The following GDI2 variants were observed in gnomAD, a reference collection of about 807,000 sequenced individuals.
GDI2 encodes the protein GDP dissociation inhibitor 2.
GDI2 carries 22 observed loss-of-function variants against 54.2 expected under a neutral mutation model. The observed-to-expected ratio is 0.41, with a 90% CI of 0.29 to 0.58. The LOEUF (loss-of-function observed/expected upper bound fraction) is 0.58, where lower values mean the gene tolerates loss of function less well. Ranked by LOEUF, GDI2 falls within the 20% of genes least tolerant of loss-of-function variation. GDI2 has a pLI of 0.35. For missense variants in GDI2, 422 were observed against 546.0 expected (o/e 0.77, Z 2.26); for synonymous variants, 177 against 182.1 (o/e 0.97, Z 0.23).
intron 2 of GDI2, among the ~76,000 whole-genome samples, chr10:5,798,734 T>G (rs1031897934): frequency 2.0e-4 from 31 of 151,998 alleles, no homozygotes; most frequent in Admixed American, 2.0e-4. Context: ...CCGCAGCACT[T>G]TGGAAGGCCA....
rs1429145172 is a variant in GDI2 at position 5,766,029 on chromosome 10, T to G, written c.1315A>C (p.Asn439His). 6.3e-7 allele frequency: 1 copy of G among 1,585,888 alleles called. No homozygotes were observed. The highest frequency in any genetic ancestry group is 1.4e-5 in the African/African-American group (1 of 72,846). ...FDFEEMKRKK[N>H]DIYGED ...TGTTAGTCTTCCCCATAGATGTCATTCTTCTTGCGCTTCATTTCCTCAAAG... is the reference window on the plus strand; with the variant it reads ...TGTTAGTCTTCCCCATAGATGTCATGCTTCTTGCGCTTCATTTCCTCAAAG... The change falls in exon 11 of 11, where the codon AAT (asparagine) becomes CAT (histidine). Residue 439 changes from asparagine to histidine, a missense_variant. Physicochemically the swap from Asn to His is moderately conservative, Grantham distance 68. Transcript: ENST00000380191. The surrounding 1 kb of genome is among the most constrained non-coding windows in gnomAD (Gnocchi z 5.8).
In GDI2 at chr10:5,768,683, C is replaced by T. The variant is rs185359853; in HGVS notation, c.820-299G>A. ...AGCCAGAAATAAACCCTCGCATCCA[C>T]AGTACAGTGATTTTTGACAAAGTTG... On this transcript the variant is annotated intron_variant, in intron 7 of 10. Transcript: ENST00000380191. The surrounding 1 kb of genome is among the most constrained non-coding windows in gnomAD (Gnocchi z 4.4). 3.9e-5 allele frequency: 10 copies of T among 257,144 alleles called. No individual in the cohort carries two copies. Among genetic ancestry groups the T allele is most frequent in the African/African-American group, 1.8e-4 (8 of 45,072 alleles). The allele number at this position is 257,144 out of a possible 1,614,324, so 15.9% of individuals were successfully genotyped here.
At chr10:5,801,413 C>T (rs1441256131) in intron 1 of GDI2, among the ~76,000 whole-genome samples, 2 of 152,100 alleles carry the variant, frequency 1.3e-5, no homozygotes, top group South Asian at 2.1e-4. Flanking sequence ...CAGTGGCTCA[C>T]GCCTGTAATC....
chr10:5,770,963 CAAAA>C (rs59686031), intron 7 of GDI2, among the ~76,000 whole-genome samples: 2 of 46,366 alleles, frequency 4.3e-5, no homozygotes, highest in East Asian at 1.7e-3. Context: ...GAGACTGTCT[CAAAA>C]AAAAAAAAAA....
intron 4 of GDI2, among the ~76,000 whole-genome samples, chr10:5,793,908 A>C (rs1374269145): frequency 6.6e-6 from 1 of 151,976 alleles, no homozygotes; most frequent in African/African-American, 2.4e-5. Flanking sequence ...TCATGCCTGT[A>C]ATCTCAGCAC....
chr10:5,813,428 A>T lies in GDI2; in HGVS notation c.-170T>A. 1 of 492,258 alleles carries T rather than the reference A, an allele frequency of 2.0e-6. No individual in the cohort carries two copies. Among genetic ancestry groups the T allele is most frequent in the Non-Finnish European group, 3.7e-6 (1 of 272,832 alleles). 30.5% of individuals were successfully genotyped at this position (492,258 alleles called of 1,614,324 possible). A position where few individuals can be genotyped will look rare whatever the true frequency, so the allele number is the denominator to read the frequency against. On this transcript the variant is annotated 5_prime_UTR_variant, in exon 1 of 11. Transcript: ENST00000380191. Reference sequence around the variant, plus strand: ...CGACCGCCACCTCAGACGGGAAGAGAAGAACTGGGCGGGGAGAGGAGGGGA... The same window carrying T: ...CGACCGCCACCTCAGACGGGAAGAGTAGAACTGGGCGGGGAGAGGAGGGGA...
intron 1 of GDI2, among the ~76,000 whole-genome samples, chr10:5,803,633 A>C (rs1050892404): frequency 1.3e-5 from 2 of 152,204 alleles, no homozygotes; most frequent in African/African-American, 2.4e-5. Context: ...CTAGAGCCCT[A>C]AGCAAAGCAT....
rs1840568166 is a variant in GDI2, at chr10:5,774,287, C to T, written c.720-346G>A. Among the ~76,000 whole-genome samples, 1 of 152,148 alleles carries T rather than the reference C, an allele frequency of 6.6e-6. No individual in the cohort carries two copies. The highest frequency in any genetic ancestry group is 2.4e-5 in the African/African-American group (1 of 41,412). ...AACTTGCCTCAGTCTCTCCTTCTAC[C>T]TTATGCCCCTTGGTCATTCTTTCTT... On this transcript the variant is annotated intron_variant, in intron 6 of 10. Transcript: ENST00000380191. The surrounding 1 kb of genome is among the most constrained non-coding windows in gnomAD (Gnocchi z 4.8).
In GDI2 at chr10:5,774,245, G is replaced by T. The variant is rs562735757; in HGVS notation, c.720-304C>A. Among the ~76,000 whole-genome samples, 22 of 151,762 alleles carry T rather than the reference G, an allele frequency of 1.4e-4. No homozygotes were observed. The highest frequency in any genetic ancestry group is 2.1e-4 in the Non-Finnish European group (14 of 67,986). On this transcript the variant is annotated intron_variant, in intron 6 of 10. Coordinates refer to ENST00000380191, the MANE Select transcript of GDI2 (RefSeq NM_001494.4). The surrounding 1 kb of genome is among the most constrained non-coding windows in gnomAD (Gnocchi z 4.8). ...CCTGCCCTAAAGCTTTTCAATAAAC[G>T]TCCACTCCTGCTCTAAAACTTGCCT...
chr10:5,784,799 C>T (rs773880737), intron 6 of GDI2, among the ~76,000 whole-genome samples: 3 of 152,166 alleles, frequency 2.0e-5, no homozygotes, highest in Admixed American at 6.5e-5. Flanking sequence ...GTCTCTCAGG[C>T]GTGGATACCA....
chr10:5,776,484 T>C lies in GDI2; in HGVS notation c.720-2543A>G. 3 of 1,055,290 alleles carry C rather than the reference T, an allele frequency of 2.8e-6. No homozygotes were observed. Among genetic ancestry groups the C allele is most frequent in the Admixed American group, 1.7e-5 (1 of 58,582 alleles). 65.4% of individuals were successfully genotyped at this position (1,055,290 alleles called of 1,614,324 possible). On this transcript the variant is annotated intron_variant, in intron 6 of 10. Transcript: ENST00000380191. This position sits in a 1 kb window ranked among gnomAD's most constrained non-coding sequence, Gnocchi z 5.3. ...GCAAAAGAGTGAGCCAGCAGAGCCA[T>C]GTATTAGAAGCAAAGGCCCGAAAGA...
At chr10:5,773,692 C>T in intron 7 of GDI2, 150 bp downstream of exon 7, 1 of 588,284 alleles carries the variant, frequency 1.7e-6, no homozygotes, top group South Asian at 2.1e-5. Context: ...AAACAAAGCA[C>T]AGCAACTGTA....
intron 1 of GDI2, among the ~76,000 whole-genome samples, chr10:5,808,936 C>T (rs1393551032): frequency 1.3e-5 from 2 of 152,022 alleles, no homozygotes; most frequent in Non-Finnish European, 2.9e-5. Context: ...GACTCTGCCC[C>T]TCTAATGCAT....
intron 6 of GDI2, among the ~76,000 whole-genome samples, chr10:5,779,088 G>A (rs1334627796): frequency 1.3e-5 from 2 of 152,150 alleles, no homozygotes; most frequent in Admixed American, 6.5e-5. Flanking sequence ...TTATAAATAC[G>A]TTCAAGGATA....
chr10:5,781,003 A>G (rs942926143), intron 6 of GDI2, among the ~76,000 whole-genome samples: 4 of 152,166 alleles, frequency 2.6e-5, no homozygotes, highest in Admixed American at 1.3e-4. Flanking sequence ...ATAAAACTAT[A>G]ATTATCCAGA....
At chr10:5,790,673 A>C (rs1378482455) in intron 4 of GDI2, among the ~76,000 whole-genome samples, 1 of 152,096 alleles carries the variant, frequency 6.6e-6, no homozygotes, top group Non-Finnish European at 1.5e-5. Context: ...TCACATACAA[A>C]ATAAATGTTA....
chr10:5,808,499 C>A (rs1320322984), intron 1 of GDI2, among the ~76,000 whole-genome samples: 1 of 151,854 alleles, frequency 6.6e-6, no homozygotes, highest in Non-Finnish European at 1.5e-5. Context: ...CATGGTGAAA[C>A]CCCATCGCTA....
rs780146561 is a variant in GDI2 at position 5,785,137 on chromosome 10, C to T, written c.719+5G>A. The T allele has an allele frequency of 6.3e-7, 1 of 1,583,560 alleles. No individual in the cohort carries two copies. Among genetic ancestry groups the T allele is most frequent in the Non-Finnish European group, 8.6e-7 (1 of 1,166,084 alleles). On this transcript the variant is annotated splice_donor_5th_base_variant and intron_variant, in intron 6 of 10. Coordinates refer to ENST00000380191, the MANE Select transcript of GDI2 (RefSeq NM_001494.4). ...ATCACTGAGGTTTTAAACACAGGCT[C>T]TTACCTTGCAAATCCTTGGGGCAGT...
chr10:5,788,779 T>A (rs866502666), intron 4 of GDI2, among the ~76,000 whole-genome samples: 9 of 151,566 alleles, frequency 5.9e-5, no homozygotes, highest in African/African-American at 2.2e-4. Context: ...TTTTTTTTTT[T>A]AAAAGGAGTC....
Sources: gnomAD v4.1 joint callset for allele counts (sites outside exome capture counted in the v4.1 genomes callset) on GRCh38, gnomAD v4.1.1 for gene constraint, Gnocchi (gnomAD v3.1) non-coding constraint, MANE v1.5 for transcripts, NCBI Gene and HGNC (gene_info 2026-07-23, HGNC 2026-07-21) for gene names.